Variants in MACROD2 observed in about 807,000 individuals in gnomAD.
MACROD2 encodes the protein mono-ADP ribosylhydrolase 2, also known as ADP-ribose glycohydrolase MACROD2.
Under a neutral mutation model 70.4 loss-of-function variants are expected in MACROD2, and 36 were observed. The observed-to-expected ratio is 0.51, with a 90% CI of 0.39 to 0.68. The LOEUF (loss-of-function observed/expected upper bound fraction) is 0.68. Ranked by LOEUF, MACROD2 falls within the 30% of genes least tolerant of loss-of-function variation. The probability of loss-of-function intolerance (pLI) is 0.00; values close to 1 mark genes in which losing one functional copy is unlikely to be tolerated. For synonymous variants in MACROD2, 172 were observed against 178.8 expected, an observed-to-expected ratio of 0.96 and a Z score of 0.30; for missense variants, 496 against 538.4, an observed-to-expected ratio of 0.92 and a Z score of 0.78.
At chr20:15,461,384 T>G (rs2046816526) in intron 7 of MACROD2, among the ~76,000 whole-genome samples, 1 of 152,176 alleles carries the variant, frequency 6.6e-6, no homozygotes, top group Non-Finnish European at 1.5e-5. Flanking sequence ...TTTATCTTAG[T>G]CTTAACACGT....
At chr20:15,014,071 A>ATAGTGTTTT (rs2075103428) in intron 5 of MACROD2, among the ~76,000 whole-genome samples, 1 of 152,202 alleles carries the variant, frequency 6.6e-6, no homozygotes, top group Non-Finnish European at 1.5e-5. Flanking sequence ...GGTTTTATGC[A>ATAGTGTTTT]GGCACAATCT....
intron 7 of MACROD2, among the ~76,000 whole-genome samples, chr20:15,494,774 T>TGTGTGC (rs1555829386): frequency 1.6e-5 from 2 of 127,568 alleles, no homozygotes; most frequent in Non-Finnish European, 3.2e-5. Context: ...CGCGTGTGTG[T>TGTGTGC]GTGCGCGCGT....
At position 14,792,548 on chromosome 20, in the gene MACROD2, G is replaced by A. The variant is rs1193860667; in HGVS notation, c.418+107589G>A. ...CCTGTTCATAAGAGGAAGCTTTTCT[G>A]TCAAAAGAAAGAATCAGACACATAA... On this transcript the variant is annotated intron_variant, in intron 5 of 17. Coordinates refer to ENST00000684519, the MANE Select transcript of MACROD2 (RefSeq NM_001351661.2). Among the ~76,000 whole-genome samples, 4 of 151,994 alleles carry A rather than the reference G, an allele frequency of 2.6e-5. 1 individual carries two copies. The highest frequency in any genetic ancestry group is 9.7e-5 in the African/African-American group (4 of 41,338).
intron 6 of MACROD2, among the ~76,000 whole-genome samples, chr20:15,389,457 C>G (rs1010641682): frequency 3.3e-5 from 5 of 152,190 alleles, no homozygotes; most frequent in African/African-American, 1.2e-4. Context: ...GTCACAGTCT[C>G]TCCTCTGAAA....
intron 3 of MACROD2, among the ~76,000 whole-genome samples, chr20:14,132,996 A>C (rs1262751403): frequency 1.3e-5 from 2 of 151,832 alleles, no homozygotes; most frequent in African/African-American, 4.8e-5. Context: ...GAGAAACATA[A>C]CATATGTGTG....
intron 3 of MACROD2, among the ~76,000 whole-genome samples, chr20:14,321,820 C>T (rs1228056277): frequency 6.6e-6 from 1 of 152,054 alleles, no homozygotes; most frequent in Non-Finnish European, 1.5e-5. Flanking sequence ...AATCGGCCTT[C>T]CTGTAAGATA....
At chr20:15,724,837 C>A in intron 8 of MACROD2, among the ~76,000 whole-genome samples, 1 of 152,088 alleles carries the variant, frequency 6.6e-6, no homozygotes, top group East Asian at 1.9e-4. Flanking sequence ...AATCCCAGCA[C>A]TTTGGGAGGC....
intron 6 of MACROD2, among the ~76,000 whole-genome samples, chr20:15,338,303 A>C (rs915507409): frequency 1.3e-5 from 2 of 151,492 alleles, no homozygotes; most frequent in African/African-American, 4.9e-5. Flanking sequence ...CTTTTCACCC[A>C]TGTTTTTCTT....
At chr20:14,361,453 G>A (rs1487617006) in intron 3 of MACROD2, among the ~76,000 whole-genome samples, 1 of 152,088 alleles carries the variant, frequency 6.6e-6, no homozygotes, top group Non-Finnish European at 1.5e-5. Flanking sequence ...TTGAAATCTA[G>A]AATGGAGCTG....
intron 5 of MACROD2, among the ~76,000 whole-genome samples, chr20:14,968,821 T>C (rs903549777): frequency 6.6e-6 from 1 of 152,240 alleles, no homozygotes; most frequent in Admixed American, 6.5e-5. Context: ...CATTCTCATC[T>C]GTTGCTGTCT....
rs1396439099 is a variant in MACROD2, at chr20:14,757,641, A to G, written c.418+72682A>G. 3 of 1,225,202 alleles carry G rather than the reference A, an allele frequency of 2.4e-6. No individual in the cohort carries two copies. The African/African-American group carries it at 4.5e-5, about 18-fold the overall frequency. The allele number at this position is 1,225,202 out of a possible 1,614,324, so 75.9% of individuals were successfully genotyped here. ...GGAGTCATGGTGGCCAAGGACATCC[A>G]CATGCCTAAGCACCTGGAGCTGTCA... On this transcript the variant is annotated intron_variant, in intron 5 of 17. Coordinates refer to ENST00000684519, the MANE Select transcript of MACROD2 (RefSeq NM_001351661.2).
intron 5 of MACROD2, among the ~76,000 whole-genome samples, chr20:15,024,993 C>A (rs1048052041): frequency 6.6e-6 from 1 of 152,124 alleles, no homozygotes; most frequent in African/African-American, 2.4e-5. Flanking sequence ...AAGAAGATTT[C>A]TCACCATTAG....
chr20:14,107,038 C>T (rs2054378670), intron 3 of MACROD2, among the ~76,000 whole-genome samples: 2 of 152,150 alleles, frequency 1.3e-5, no homozygotes, highest in South Asian at 4.1e-4. Flanking sequence ...ATGACCTCAC[C>T]CAATGAACTT....
At chr20:15,205,695 T>G (rs1347190812) in intron 5 of MACROD2, among the ~76,000 whole-genome samples, 4 of 152,264 alleles carry the variant, frequency 2.6e-5, no homozygotes, top group African/African-American at 7.2e-5. Context: ...GTAGAGAATT[T>G]AAATCCCTGC....
chr20:14,817,405 T>A (rs1394187654), intron 5 of MACROD2, among the ~76,000 whole-genome samples: 4 of 152,054 alleles, frequency 2.6e-5, no homozygotes, highest in Non-Finnish European at 4.4e-5. Context: ...GAAAACCACA[T>A]GTAAAAGACA....
intron 4 of MACROD2, among the ~76,000 whole-genome samples, chr20:14,502,966 G>A (rs1436131983): frequency 6.6e-6 from 1 of 152,124 alleles, no homozygotes; most frequent in Non-Finnish European, 1.5e-5. Context: ...TTATATACTA[G>A]AGTATGAGGA....
chr20:14,277,822 A>G (rs915741664), intron 3 of MACROD2, among the ~76,000 whole-genome samples: 1 of 152,172 alleles, frequency 6.6e-6, no homozygotes, highest in Non-Finnish European at 1.5e-5. Context: ...CCTCCTGCAA[A>G]TTCTTTTCTC....
intron 2 of MACROD2, among the ~76,000 whole-genome samples, chr20:14,008,443 C>G (rs1402316889): frequency 6.6e-6 from 1 of 152,068 alleles, no homozygotes; most frequent in East Asian, 1.9e-4. Context: ...TCAAGGAGAC[C>G]TACAAACCAC....
At chr20:15,083,488 C>A (rs992535130) in intron 5 of MACROD2, among the ~76,000 whole-genome samples, 3 of 152,178 alleles carry the variant, frequency 2.0e-5, no homozygotes, top group Non-Finnish European at 4.4e-5. Flanking sequence ...CAACTTGCCC[C>A]TGGCAAGTCT....
Sources: gnomAD v4.1 joint callset for allele counts (sites outside exome capture counted in the v4.1 genomes callset) on GRCh38, gnomAD v4.1.1 for gene constraint, MANE v1.5 for transcripts, NCBI Gene and HGNC (gene_info 2026-07-23, HGNC 2026-07-21) for gene names.